EXPH5: variants seen among roughly 807,000 people sequenced by gnomAD.
The protein encoded by EXPH5 is exophilin-5.
In EXPH5, 42 loss-of-function variants were observed where a neutral mutation model predicts 41.1. That is an observed-to-expected ratio of 1.02 (90% CI 0.80 to 1.32). EXPH5 has a LOEUF of 1.32. Ranked by LOEUF, EXPH5 falls within the 40% of genes most tolerant of loss-of-function variation. EXPH5 has a pLI of 0.00. For synonymous variants in EXPH5, 798 were observed against 833.5 expected (o/e 0.96, Z 0.73); for missense variants, 2,298 against 2,314.5 (o/e 0.99, Z 0.15).
intron 1 of EXPH5, among the ~76,000 whole-genome samples, chr11:108,565,919 C>T (rs7119814): frequency 0.23 from 34,349 of 152,118 alleles, 5,987 homozygotes; most frequent in African/African-American, 0.49. Context: ...CTTTGTCACA[C>T]GATCTAACTT....
At chr11:108,552,160 G>A (rs1253701748) in intron 1 of EXPH5, 1 of 144,464 alleles carries the variant, frequency 6.9e-6, no homozygotes, top group African/African-American at 2.4e-5. Flanking sequence ...GCAGAGTGAA[G>A]GAAGAGAAAG....
At chr11:108,540,560 C>T (rs935003082) in intron 2 of EXPH5, among the ~76,000 whole-genome samples, 67 of 152,190 alleles carry the variant, frequency 4.4e-4, no homozygotes, top group African/African-American at 1.6e-3. Context: ...CATGATGTTA[C>T]TAATGTTAAT....
chr11:108,511,675 G>T lies in EXPH5; in HGVS notation c.3832C>A (p.Leu1278Ile). 6.2e-7 allele frequency: 1 copy of T among 1,603,330 alleles called. No homozygotes were observed. The highest frequency in any genetic ancestry group is 8.5e-7 in the Non-Finnish European group (1 of 1,176,992). The change falls in exon 6 of 6, where the codon CTT (leucine) becomes ATT (isoleucine). Residue 1278 changes from leucine to isoleucine, a missense_variant. Leu to Ile is a conservative substitution (Grantham distance 5). Coordinates refer to ENST00000265843, the MANE Select transcript of EXPH5 (RefSeq NM_015065.3). ...LQQYTQNTNL[L>I]IESPQVETET... ...GTCTCCACTTGAGGTGATTCTATAAGTAAATTAGTATTTTGTGTATACTGT... is the reference window on the plus strand; with the variant it reads ...GTCTCCACTTGAGGTGATTCTATAATTAAATTAGTATTTTGTGTATACTGT...
intron 1 of EXPH5, among the ~76,000 whole-genome samples, chr11:108,557,640 G>A (rs988585044): frequency 3.9e-5 from 6 of 152,056 alleles, no homozygotes; most frequent in African/African-American, 9.7e-5. Flanking sequence ...GAGCCACTGC[G>A]CCTGGCCCTG....
intron 4 of EXPH5, among the ~76,000 whole-genome samples, chr11:108,527,422 A>G (rs1285942605): frequency 3.7e-4 from 57 of 152,278 alleles, no homozygotes; most frequent in Admixed American, 6.5e-5. Flanking sequence ...AGAGAGAAAG[A>G]AAAAGGGAGG....
upstream of EXPH5, among the ~76,000 whole-genome samples, chr11:108,595,666 A>C (rs892716448): frequency 6.6e-6 from 1 of 152,238 alleles, no homozygotes; most frequent in African/African-American, 2.4e-5. Context: ...ACACAGATAC[A>C]CAGTATATCT....
chr11:108,575,286 C>T (rs1000946853), intron 1 of EXPH5, among the ~76,000 whole-genome samples: 1 of 152,180 alleles, frequency 6.6e-6, no homozygotes. Flanking sequence ...AAAACAAAGG[C>T]CTTCCCGCAC....
At position 108,509,548 on chromosome 11, in the gene EXPH5, A is replaced by G; in HGVS notation, c.5959T>C (p.Ser1987Pro). Residue 1987 changes from serine to proline, a missense_variant, in exon 6 of 6, where the codon TCA becomes CCA. By Grantham distance (74) the Ser-to-Pro change is moderately conservative. Coordinates refer to ENST00000265843, the MANE Select transcript of EXPH5 (RefSeq NM_015065.3). ...EYYLDENDKE[S>P]EL ...TTATTGAAAAAGCCTCACAGTTCTG[A>G]CTCTTTGTCATTTTCATCCAGGTAG... The G allele has an allele frequency of 1.9e-6, 3 of 1,552,774 alleles. No homozygotes were observed. Among genetic ancestry groups the G allele is most frequent in the Non-Finnish European group, 2.6e-6 (3 of 1,156,770 alleles).
At position 108,511,827 on chromosome 11, in the gene EXPH5, T is replaced by G; in HGVS notation, c.3680A>C (p.His1227Pro). The change falls in exon 6 of 6, where the codon CAT (histidine) becomes CCT (proline). Residue 1227 changes from histidine to proline, a missense_variant. Transcript: ENST00000265843. ...AAACGTACTAGTCGTCTTAACTTTA[T>G]GTAATGTTTTCCCACGTTCTTTTCC... ...LSGKERGKTL[H>P]KVKTTSTFSV... The G allele has an allele frequency of 6.3e-7, 1 of 1,595,816 alleles. No individual in the cohort carries two copies. The highest frequency in any genetic ancestry group is 8.5e-7 in the Non-Finnish European group (1 of 1,175,126).
intron 1 of EXPH5, among the ~76,000 whole-genome samples, chr11:108,561,761 G>A (rs1183419944): frequency 6.6e-6 from 1 of 152,162 alleles, no homozygotes; most frequent in Non-Finnish European, 1.5e-5. Flanking sequence ...AAGTGACATG[G>A]CTAAGAGACA....
intron 3 of EXPH5, among the ~76,000 whole-genome samples, chr11:108,533,206 T>C (rs2093855000): frequency 7.4e-6 from 1 of 134,678 alleles, no homozygotes; most frequent in African/African-American, 3.5e-5. Flanking sequence ...GAGTCTACAT[T>C]CTATTTTTTT....
At chr11:108,586,100 G>A (rs1303878162) in intron 1 of EXPH5, among the ~76,000 whole-genome samples, 1 of 152,010 alleles carries the variant, frequency 6.6e-6, no homozygotes, top group East Asian at 1.9e-4. Context: ...CACCACGCCT[G>A]GCTAATTTTT....
At chr11:108,595,175 A>C (rs1311329961), upstream of EXPH5, among the ~76,000 whole-genome samples, 1 of 152,362 alleles carries the variant, frequency 6.6e-6, no homozygotes, top group South Asian at 2.1e-4. Context: ...TGCCTATTAC[A>C]TGAAGGCATC....
the EXPH5 span, among the ~76,000 whole-genome samples, chr11:108,599,450 A>C: frequency 1.3e-5 from 2 of 152,234 alleles, no homozygotes; most frequent in Admixed American, 6.5e-5. Context: ...TTGTAATCAC[A>C]GTGTGCATAT....
chr11:108,522,596 A>C (rs1192849199), intron 4 of EXPH5, among the ~76,000 whole-genome samples: 1 of 152,284 alleles, frequency 6.6e-6, no homozygotes, highest in Non-Finnish European at 1.5e-5. Flanking sequence ...TTATTAGTGC[A>C]TTAAATCCTT....
chr11:108,593,468 C>G lies in EXPH5; in HGVS notation c.69G>C (p.Gln23His), dbSNP rs994225418. 6.2e-7 allele frequency: 1 copy of G among 1,614,124 alleles called. No homozygotes were observed. Among genetic ancestry groups the G allele is most frequent in the African/African-American group, 1.3e-5 (1 of 74,942 alleles). The change falls in exon 1 of 6, where the codon CAG (glutamine) becomes CAC (histidine). Residue 23 changes from glutamine (Q) to histidine (H), a missense_variant. Coordinates refer to ENST00000265843, the MANE Select transcript of EXPH5 (RefSeq NM_015065.3). ...LNDEEARKIL[Q>H]VLERNEELQR... Reference sequence around the variant, plus strand: ...GTAACTCCTCATTCCTTTCCAGCACCTGAAGGATCTTCCTGGCCTCTTCGT... The same window carrying G: ...GTAACTCCTCATTCCTTTCCAGCACGTGAAGGATCTTCCTGGCCTCTTCGT...
upstream of EXPH5, among the ~76,000 whole-genome samples, chr11:108,597,752 T>A (rs960620519): frequency 4.6e-5 from 7 of 152,078 alleles, no homozygotes; most frequent in Non-Finnish European, 7.4e-5. Context: ...AAAAAAACAA[T>A]GTGGTGTAAC....
intron 1 of EXPH5, among the ~76,000 whole-genome samples, chr11:108,565,887 T>A (rs1473296381): frequency 6.6e-6 from 1 of 152,228 alleles, no homozygotes; most frequent in Non-Finnish European, 1.5e-5. Context: ...CTCTTTTGTT[T>A]ACAATGCCCT....
At chr11:108,584,985 G>A (rs1169814060) in intron 1 of EXPH5, among the ~76,000 whole-genome samples, 1 of 152,148 alleles carries the variant, frequency 6.6e-6, no homozygotes, top group African/African-American at 2.4e-5. Flanking sequence ...GGAAGAAAAT[G>A]TTTGCAAACC....
Sources: gnomAD v4.1 joint callset for allele counts (sites outside exome capture counted in the v4.1 genomes callset) on GRCh38, gnomAD v4.1.1 for gene constraint, MANE v1.5 for transcripts, NCBI Gene and HGNC (gene_info 2026-07-23, HGNC 2026-07-21) for gene names.